RALYL: variants seen among roughly 807,000 people sequenced by gnomAD.
The protein encoded by RALYL is RALY RNA binding protein like, also known as RNA-binding Raly-like protein.
In RALYL, 29 loss-of-function variants were observed where a neutral mutation model predicts 35.1. The ratio of observed to expected loss-of-function variants is 0.83; its 90% CI spans 0.61 to 1.13. The LOEUF (loss-of-function observed/expected upper bound fraction) is 1.13, where lower values mean the gene tolerates loss of function less well. RALYL is among the 50% of genes most tolerant of loss of function. The probability of loss-of-function intolerance (pLI) is 0.00; values close to 1 mark genes in which losing one functional copy is unlikely to be tolerated. For missense variants in RALYL, 359 were observed against 360.4 expected (o/e 1.00, Z 0.03); for synonymous variants, 120 against 127.6 (o/e 0.94, Z 0.40).
At chr8:84,289,354 A>G (rs1838314752) in intron 1 of RALYL, among the ~76,000 whole-genome samples, 1 of 152,200 alleles carries the variant, frequency 6.6e-6, no homozygotes, top group Non-Finnish European at 1.5e-5. Flanking sequence ...ATGCTGTAAG[A>G]AAAGGGAAAT....
In RALYL at chr8:84,680,242, T is replaced by G. The variant is rs568076099; in HGVS notation, c.257-94337T>G. Among the ~76,000 whole-genome samples the G allele has an allele frequency of 3.9e-5, 6 of 152,330 alleles. No homozygotes were observed. In the South Asian group the frequency reaches 1.2e-3, roughly 32 times the overall value. ...TATGTGCCACATTTTCTTAACCCAG[T>G]CTATCATTGTTGGACATTTGGCTTG... On this transcript the variant is annotated intron_variant, in intron 2 of 8. Transcript: ENST00000521268.
Position 84,571,625 on chromosome 8 carries a change from A to T in RALYL, c.256+42048A>T, listed in dbSNP as rs557160801. On this transcript the variant is annotated intron_variant, in intron 2 of 8. Coordinates refer to ENST00000521268, the MANE Select transcript of RALYL (RefSeq NM_173848.7). ...CTCAGTCTCATTTAGTTCTCCTCTT[A>T]TCTTTGCTATTTATTTTCTTATGCT... Among the ~76,000 whole-genome samples the T allele has an allele frequency of 9.2e-5, 14 of 151,378 alleles. 1 individual carries two copies. The East Asian group carries it at 2.3e-3, about 25-fold the overall frequency.
At chr8:84,441,921 T>G (rs189327564) in intron 1 of RALYL, among the ~76,000 whole-genome samples, 1 of 152,254 alleles carries the variant, frequency 6.6e-6, no homozygotes, top group East Asian at 1.9e-4. Flanking sequence ...GGTTATAATT[T>G]ATACAATGCT....
At chr8:84,395,740 A>G (rs1387831631) in intron 1 of RALYL, among the ~76,000 whole-genome samples, 1 of 151,928 alleles carries the variant, frequency 6.6e-6, no homozygotes, top group Non-Finnish European at 1.5e-5. Flanking sequence ...ACTATTTTAA[A>G]ATATACTCTC....
At chr8:84,367,311 T>G in intron 1 of RALYL, among the ~76,000 whole-genome samples, 1 of 110,558 alleles carries the variant, frequency 9.0e-6, no homozygotes, top group South Asian at 3.5e-4. Context: ...GCCCAACTAA[T>G]TTTTGTATTT....
At chr8:84,890,455 T>A (rs980486521) in intron 8 of RALYL, among the ~76,000 whole-genome samples, 1 of 152,152 alleles carries the variant, frequency 6.6e-6, no homozygotes, top group Non-Finnish European at 1.5e-5. Flanking sequence ...AAAAAACATA[T>A]AAAGATTGGC....
At chr8:84,817,267 T>A (rs1030654768) in intron 4 of RALYL, among the ~76,000 whole-genome samples, 7 of 152,196 alleles carry the variant, frequency 4.6e-5, no homozygotes, top group African/African-American at 1.4e-4. Context: ...TCTGCTGTTA[T>A]GAAAACTTTA....
At chr8:84,807,661 A>T (rs988983354) in intron 4 of RALYL, among the ~76,000 whole-genome samples, 5 of 152,178 alleles carry the variant, frequency 3.3e-5, no homozygotes, top group African/African-American at 1.2e-4. Flanking sequence ...TATTCACTGC[A>T]TCCACTCCAC....
intron 3 of RALYL, among the ~76,000 whole-genome samples, chr8:84,790,644 A>C (rs986154098): frequency 6.6e-5 from 10 of 152,372 alleles, no homozygotes; most frequent in East Asian, 1.9e-4. Context: ...GCTGAATTAA[A>C]TGTAAAAGAA....
At chr8:84,665,924 T>G (rs1405633733) in intron 2 of RALYL, 1 of 152,002 alleles carries the variant, frequency 6.6e-6, no homozygotes, top group Admixed American at 6.6e-5. Context: ...TATCATAATA[T>G]AAAAGATCAT....
chr8:84,321,796 C>T (rs1015548523), intron 1 of RALYL, among the ~76,000 whole-genome samples: 11 of 152,056 alleles, frequency 7.2e-5, no homozygotes, highest in Non-Finnish European at 1.6e-4. Context: ...TAAATTACAG[C>T]TGAAAGAGCT....
chr8:84,767,766 C>A (rs1814469807), intron 2 of RALYL, among the ~76,000 whole-genome samples: 1 of 152,142 alleles, frequency 6.6e-6, no homozygotes, highest in Admixed American at 6.6e-5. Context: ...CAAAAGAATT[C>A]ATTTAAATGG....
intron 1 of RALYL, among the ~76,000 whole-genome samples, chr8:84,217,459 C>T (rs2131259349): frequency 6.6e-6 from 1 of 152,002 alleles, no homozygotes; most frequent in African/African-American, 2.4e-5. Context: ...CCTAGACTAT[C>T]TTAAATAAAA....
chr8:84,208,417 C>T (rs1818601765), intron 1 of RALYL, among the ~76,000 whole-genome samples: 1 of 151,994 alleles, frequency 6.6e-6, no homozygotes, highest in Non-Finnish European at 1.5e-5. Flanking sequence ...TTTTTTAGAC[C>T]TACTCTCAGC....
At chr8:84,211,351 A>G (rs1819446352) in intron 1 of RALYL, among the ~76,000 whole-genome samples, 2 of 152,092 alleles carry the variant, frequency 1.3e-5, no homozygotes, top group Non-Finnish European at 2.9e-5. Context: ...GAAATGCACA[A>G]CTACTAGCTT....
At chr8:84,271,549 C>G (rs1834312449) in intron 1 of RALYL, among the ~76,000 whole-genome samples, 1 of 151,266 alleles carries the variant, frequency 6.6e-6, no homozygotes, top group Non-Finnish European at 1.5e-5. Context: ...AATGAAAACA[C>G]ATGTGCACAC....
intron 2 of RALYL, among the ~76,000 whole-genome samples, chr8:84,689,971 T>C (rs1421262779): frequency 6.6e-6 from 1 of 152,170 alleles, no homozygotes; most frequent in African/African-American, 2.4e-5. Context: ...GGAACAGTAT[T>C]GAGGTTCCTC....
At chr8:84,432,895 A>G (rs1350820763) in intron 1 of RALYL, among the ~76,000 whole-genome samples, 1 of 151,884 alleles carries the variant, frequency 6.6e-6, no homozygotes, top group Non-Finnish European at 1.5e-5. Flanking sequence ...TCAGACTTCT[A>G]TCCTCCAGAA....
chr8:84,626,009 T>C (rs1822634001), intron 2 of RALYL, among the ~76,000 whole-genome samples: 2 of 151,328 alleles, frequency 1.3e-5, no homozygotes, highest in South Asian at 4.2e-4. Flanking sequence ...CCAAGTAAAA[T>C]ATGACAAAAA....
Sources: allele counts gnomAD v4.1 joint callset (sites outside exome capture counted in the v4.1 genomes callset), GRCh38; gene constraint gnomAD v4.1.1; transcripts MANE v1.5; gene names NCBI Gene and HGNC (gene_info 2026-07-23, HGNC 2026-07-21).